Variants in ST3GAL3 observed in about 807,000 individuals in gnomAD.
ST3GAL3 encodes ST3 beta-galactoside alpha-2,3-sialyltransferase 3.
A neutral mutation model predicts 50.1 loss-of-function variants in ST3GAL3; 21 were observed. That is an observed-to-expected ratio of 0.42 (90% CI 0.30 to 0.60). ST3GAL3 has a LOEUF of 0.60. Among genes scored for constraint, ST3GAL3 ranks in the 20% least tolerant of loss-of-function variants. The probability of loss-of-function intolerance (pLI) is 0.19; values close to 1 mark genes in which losing one functional copy is unlikely to be tolerated. For synonymous variants in ST3GAL3, 183 were observed against 190.0 expected, an observed-to-expected ratio of 0.96 and a Z score of 0.30; for missense variants, 353 against 489.4, an observed-to-expected ratio of 0.72 and a Z score of 2.63.
chr1:43,773,372 A>C (rs1572583821), intron 2 of ST3GAL3, among the ~76,000 whole-genome samples: 1 of 152,332 alleles, frequency 6.6e-6, no homozygotes, highest in Non-Finnish European at 1.5e-5. Context: ...CTCTGGTCCC[A>C]GGGCTCCAAG....
At chr1:43,865,730 C>A (rs1286906391) in intron 5 of ST3GAL3, among the ~76,000 whole-genome samples, 1 of 152,174 alleles carries the variant, frequency 6.6e-6, no homozygotes, top group Non-Finnish European at 1.5e-5. Context: ...GGGCTTTACT[C>A]CTCTTCTGCC....
At chr1:43,813,054 C>T (rs151162332) in intron 3 of ST3GAL3, among the ~76,000 whole-genome samples, 86 of 152,190 alleles carry the variant, frequency 5.7e-4, no homozygotes, top group African/African-American at 2.0e-3. Flanking sequence ...TAGTGTGAGC[C>T]GCTGTATAAG....
In ST3GAL3 at chr1:43,914,039, C is replaced by T. The variant is rs1433404757; in HGVS notation, c.745-6365C>T. 1.3e-5 allele frequency: 2 copies of T among 152,210 alleles called. 1 individual carries two copies. Among genetic ancestry groups the T allele is most frequent in the Non-Finnish European group, 2.9e-5 (2 of 68,046 alleles). 9.4% of individuals were successfully genotyped at this position (152,210 alleles called of 1,614,324 possible). A position where few individuals can be genotyped will look rare whatever the true frequency, so the allele number is the denominator to read the frequency against. Reference sequence around the variant, plus strand: ...CAGTATCCTCAAATCTAAGCAGTCCCATCAGGCATTTCTCCTCCCAGGAAA... The same window carrying T: ...CAGTATCCTCAAATCTAAGCAGTCCTATCAGGCATTTCTCCTCCCAGGAAA... On this transcript the variant is annotated intron_variant, in intron 9 of 11. Transcript: ENST00000347631.
intron 9 of ST3GAL3, among the ~76,000 whole-genome samples, chr1:43,901,971 C>T (rs2078352309): frequency 6.6e-6 from 1 of 152,210 alleles, no homozygotes; most frequent in Non-Finnish European, 1.5e-5. Flanking sequence ...AGTGGACCTG[C>T]CCAGGCCCTT....
chr1:43,825,024 A>G lies in ST3GAL3; in HGVS notation c.209+10091A>G, dbSNP rs538268011. ...TCTGCCTGTACATAGGAGTATGTCT[A>G]TGTGTGATGATTCATAACTAAGACC... On this transcript the variant is annotated intron_variant, in intron 4 of 11. Transcript: ENST00000347631. 35 of 681,084 alleles carry G rather than the reference A, an allele frequency of 5.1e-5. No homozygotes were observed. The East Asian group carries it at 6.8e-4, about 13-fold the overall frequency. The allele number at this position is 681,084 out of a possible 1,614,324, so 42.2% of individuals were successfully genotyped here. A position where few individuals can be genotyped will look rare whatever the true frequency, so the allele number is the denominator to read the frequency against.
intron 3 of ST3GAL3, among the ~76,000 whole-genome samples, chr1:43,808,303 CAAA>C (rs35302476): frequency 5.5e-5 from 6 of 108,226 alleles, no homozygotes; most frequent in Admixed American, 9.7e-5. Flanking sequence ...GACTCCATCT[CAAA>C]AAAAAAAAAA....
Position 43,802,939 on chromosome 1 carries a change from GT to G in ST3GAL3, c.166+10795del, listed in dbSNP as rs112407685. ...AGTTGGTTGGTTTTTGTTTTGTTTT[GT>G]TTTTGTTTTTGAGACAGAGTCTCAC... On this transcript the variant is annotated intron_variant, in intron 3 of 11. Coordinates refer to ENST00000347631, the MANE Select transcript of ST3GAL3 (RefSeq NM_006279.5). 3.7e-4 allele frequency among the ~76,000 whole-genome samples: 56 copies of G among 152,098 alleles called. 4 individuals carry two copies. Among genetic ancestry groups the G allele is most frequent in the African/African-American group, 1.2e-3 (51 of 41,494 alleles).
chr1:43,859,191 G>T (rs1438817488), intron 5 of ST3GAL3, among the ~76,000 whole-genome samples: 1 of 152,122 alleles, frequency 6.6e-6, no homozygotes, highest in Admixed American at 6.5e-5. Flanking sequence ...GCAGCATCAC[G>T]AAAAAAGGCC....
At chr1:43,745,210 A>T (rs971631227) in intron 2 of ST3GAL3, among the ~76,000 whole-genome samples, 5 of 152,224 alleles carry the variant, frequency 3.3e-5, no homozygotes, top group Admixed American at 3.3e-4. Context: ...AATTGTTTAA[A>T]GCAAAAATAA....
At chr1:43,811,208 G>A (rs541403496) in intron 3 of ST3GAL3, among the ~76,000 whole-genome samples, 23 of 152,240 alleles carry the variant, frequency 1.5e-4, no homozygotes, top group Admixed American at 1.5e-3. Context: ...TCACAGTGCC[G>A]GCAGGTGCCT....
rs1427584316 is a variant in ST3GAL3, at chr1:43,899,066, G to T, written c.462-102G>T. The T allele has an allele frequency of 7.8e-6, 12 of 1,539,184 alleles. No homozygotes were observed. The highest frequency in any genetic ancestry group is 1.8e-5 in the Admixed American group (1 of 55,970). ...CCATTGGTCTTCTTCCTCTATCCCAGCCTGGTCCTGGACAAGGGCGTGGGG... is the reference window on the plus strand; with the variant it reads ...CCATTGGTCTTCTTCCTCTATCCCATCCTGGTCCTGGACAAGGGCGTGGGG... On this transcript the variant is annotated intron_variant, in intron 7 of 11. Coordinates refer to ENST00000347631, the MANE Select transcript of ST3GAL3 (RefSeq NM_006279.5). This position sits in a 1 kb window ranked among gnomAD's most constrained non-coding sequence, Gnocchi z 5.4.
intron 5 of ST3GAL3, among the ~76,000 whole-genome samples, chr1:43,871,727 A>G (rs1570317066): frequency 7.4e-5 from 1 of 13,550 alleles, no homozygotes; most frequent in Non-Finnish European, 1.3e-4. Context: ...GAGGGAGAGG[A>G]GGGATGTGGG....
At chr1:43,878,428 G>A (rs1220536529) in intron 5 of ST3GAL3, among the ~76,000 whole-genome samples, 2 of 152,214 alleles carry the variant, frequency 1.3e-5, no homozygotes, top group African/African-American at 4.8e-5. Flanking sequence ...GGAGCAAGTT[G>A]CATTATTAAA....
rs185614338 is a variant in ST3GAL3 at position 43,850,777 on chromosome 1, C to T, written c.302+12466C>T. On this transcript the variant is annotated intron_variant, in intron 5 of 11. Transcript: ENST00000347631. ...GCCACCACATGGTGCTGATAAACTT[C>T]AAATTCCAGAGTCATAGCTTGCTTC... 1.7e-4 allele frequency: 143 copies of T among 862,120 alleles called. No homozygotes were observed. In the East Asian group the frequency reaches 3.4e-3, roughly 21 times the overall value. 53.4% of individuals were successfully genotyped at this position (862,120 alleles called of 1,614,324 possible).
At chr1:43,902,629 G>A (rs1304757597) in intron 9 of ST3GAL3, among the ~76,000 whole-genome samples, 1 of 152,244 alleles carries the variant, frequency 6.6e-6, no homozygotes. Flanking sequence ...GCAAGCAGGT[G>A]TAGGAGTTCC....
chr1:43,741,798 G>A (rs1002934258), intron 2 of ST3GAL3, among the ~76,000 whole-genome samples: 6 of 152,200 alleles, frequency 3.9e-5, no homozygotes, highest in Non-Finnish European at 7.3e-5. Context: ...CAGTTCCTAA[G>A]AGAAGGAAAA....
chr1:43,725,214 C>G (rs1044726975), intron 1 of ST3GAL3, among the ~76,000 whole-genome samples: 1 of 151,668 alleles, frequency 6.6e-6, no homozygotes, highest in African/African-American at 2.4e-5. Context: ...TCTTTTCTTT[C>G]TTTTTTTTGA....
intron 9 of ST3GAL3, among the ~76,000 whole-genome samples, chr1:43,905,933 C>T (rs1320589652): frequency 3.6e-5 from 4 of 112,152 alleles, no homozygotes; most frequent in South Asian, 3.7e-4. Context: ...CACTCTTCCC[C>T]CTCCTCCTCC....
At chr1:43,900,996 C>A (rs1382586518) in intron 9 of ST3GAL3, among the ~76,000 whole-genome samples, 1 of 152,234 alleles carries the variant, frequency 6.6e-6, no homozygotes, top group African/African-American at 2.4e-5. Context: ...GGCCCACTGC[C>A]CACACAGACC....
Sources: allele counts gnomAD v4.1 joint callset (sites outside exome capture counted in the v4.1 genomes callset), GRCh38; gene constraint gnomAD v4.1.1; non-coding constraint Gnocchi (gnomAD v3.1); transcripts MANE v1.5; gene names NCBI Gene and HGNC (gene_info 2026-07-23, HGNC 2026-07-21).